The following GRIP1 variants were observed in gnomAD, a reference collection of about 807,000 sequenced individuals.
GRIP1 encodes glutamate receptor interacting protein 1, also known as glutamate receptor-interacting protein 1.
In GRIP1, 45 loss-of-function variants were observed where a neutral mutation model predicts 129.9. The observed-to-expected ratio is 0.35, with a 90% CI of 0.27 to 0.44. GRIP1 has a LOEUF of 0.44. GRIP1 is among the 20% of genes least tolerant of loss of function. The probability of loss-of-function intolerance (pLI) is 1.00; values close to 1 mark genes in which losing one functional copy is unlikely to be tolerated. For missense variants in GRIP1, 1,196 were observed against 1,396.8 expected, an observed-to-expected ratio of 0.86 and a Z score of 2.29; for synonymous variants, 530 against 520.8, an observed-to-expected ratio of 1.02 and a Z score of -0.24.
chr12:67,056,914 G>A (rs1333074195), intron 1 of GRIP1, among the ~76,000 whole-genome samples: 2 of 152,038 alleles, frequency 1.3e-5, no homozygotes, highest in African/African-American at 2.4e-5. Flanking sequence ...GGGTTCAAGC[G>A]ATTCTCCTGC....
At chr12:66,720,245 C>T (rs2136441574) in intron 1 of GRIP1, among the ~76,000 whole-genome samples, 1 of 152,248 alleles carries the variant, frequency 6.6e-6, no homozygotes, top group East Asian at 1.9e-4. Flanking sequence ...TGTGCAATAA[C>T]ATTATATCTA....
At chr12:66,960,798 G>T (rs944204404) in intron 1 of GRIP1, among the ~76,000 whole-genome samples, 1 of 152,072 alleles carries the variant, frequency 6.6e-6, no homozygotes, top group East Asian at 1.9e-4. Flanking sequence ...AGATTACCCA[G>T]ACCAAAATGT....
chr12:66,846,977 T>C (rs2039829975), intron 1 of GRIP1, among the ~76,000 whole-genome samples: 1 of 152,138 alleles, frequency 6.6e-6, no homozygotes, highest in Admixed American at 6.5e-5. Flanking sequence ...GTCTGGCATC[T>C]GGCCCTGGCA....
rs989778948 is a variant in GRIP1, at chr12:67,068,967, G to T, written c.58+83C>A. On this transcript the variant is annotated intron_variant, in intron 1 of 1. Coordinates refer to the GRIP1 transcript ENST00000643019. ...CCCCCGTCGGCGGGTGGACGGGTCG[G>T]GAGGGAGCCGGGGAGAGGGAGGCAC... is the stretch of plus-strand genomic sequence containing the variant. 5 of 613,474 alleles carry T rather than the reference G, an allele frequency of 8.2e-6. No individual in the cohort carries two copies. The Admixed American group carries it at 2.5e-4, about 31-fold the overall frequency. The allele number at this position is 613,474 out of a possible 1,614,324, so 38.0% of individuals were successfully genotyped here.
intron 14 of GRIP1, among the ~76,000 whole-genome samples, chr12:66,424,336 T>C (rs6581689): frequency 0.5 from 76,508 of 152,100 alleles, 21,467 homozygotes; most frequent in Non-Finnish European, 0.63. Context: ...AAAATATACA[T>C]GCATACAATT....
rs113285086 is a variant in GRIP1 at position 66,713,418 on chromosome 12, C to T, written c.-419-83082G>A. Reference sequence around the variant, plus strand: ...TTTAAAATTTAAGAATGACTGCACTCAGCTAGACTAAGCTCTGCCTGAGAG... The same window carrying T: ...TTTAAAATTTAAGAATGACTGCACTTAGCTAGACTAAGCTCTGCCTGAGAG... On this transcript the variant is annotated intron_variant, in intron 1 of 4. Transcript: ENST00000538373. Among the ~76,000 whole-genome samples the T allele has an allele frequency of 6.0e-3, 918 of 152,146 alleles. 10 individuals carry two copies. Among genetic ancestry groups the T allele is most frequent in the African/African-American group, 0.021 (866 of 41,544 alleles).
At chr12:66,917,734 T>A (rs2041147992) in intron 1 of GRIP1, among the ~76,000 whole-genome samples, 1 of 152,160 alleles carries the variant, frequency 6.6e-6, no homozygotes. Flanking sequence ...TTTAATTTCC[T>A]CTGTTTTCTC....
At chr12:66,973,155 T>C (rs893241404) in intron 1 of GRIP1, among the ~76,000 whole-genome samples, 1 of 152,190 alleles carries the variant, frequency 6.6e-6, no homozygotes, top group Non-Finnish European at 1.5e-5. Flanking sequence ...ATAAACACAG[T>C]AACATGTAAT....
chr12:66,487,572 T>A (rs1310734583), intron 7 of GRIP1, among the ~76,000 whole-genome samples: 1 of 152,060 alleles, frequency 6.6e-6, no homozygotes, highest in African/African-American at 2.4e-5. Context: ...AGCAACCACA[T>A]AAACAAGTCT....
chr12:66,983,153 A>G (rs2042263438), intron 1 of GRIP1, among the ~76,000 whole-genome samples: 1 of 152,198 alleles, frequency 6.6e-6, no homozygotes, highest in Admixed American at 6.6e-5. Context: ...CCACCGCAAC[A>G]CTGGACTGCC....
intron 1 of GRIP1, among the ~76,000 whole-genome samples, chr12:66,827,387 T>TGTGTGTGAGAGAGAGAGAGAGAGA (rs755458052): frequency 1.0e-4 from 11 of 108,224 alleles, no homozygotes; most frequent in African/African-American, 3.2e-4. Context: ...TGTGTGTGTG[T>TGTGTGTGAGAGAGAGAGAGAGAGA]GAGAGAGAGA....
intron 2 of GRIP1, among the ~76,000 whole-genome samples, chr12:66,594,903 A>T (rs1565895340): frequency 6.6e-6 from 1 of 152,248 alleles, no homozygotes; most frequent in Non-Finnish European, 1.5e-5. Context: ...TAAGTAAGAC[A>T]GTAAGGGATC....
At chr12:67,063,035 A>G (rs1251047088) in intron 1 of GRIP1, among the ~76,000 whole-genome samples, 1 of 152,218 alleles carries the variant, frequency 6.6e-6, no homozygotes, top group Non-Finnish European at 1.5e-5. Context: ...GCAAGGTACT[A>G]TCATACATTC....
chr12:66,814,493 C>T lies in GRIP1; in HGVS notation c.59-217566G>A, dbSNP rs560106799. On this transcript the variant is annotated intron_variant, in intron 1 of 1. Transcript: ENST00000643019. ...AACTGTCCTTTTTATTGTTACATTC[C>T]GATAGTCTAACATATATTTGTCCCT... is the stretch of plus-strand genomic sequence containing the variant. 8.3e-4 allele frequency among the ~76,000 whole-genome samples: 126 copies of T among 151,160 alleles called. 1 individual carries two copies. The highest frequency in any genetic ancestry group is 6.8e-3 in the Middle Eastern group (2 of 294).
chr12:66,809,323 G>A (rs2039058220), intron 1 of GRIP1, among the ~76,000 whole-genome samples: 1 of 152,144 alleles, frequency 6.6e-6, no homozygotes, highest in Admixed American at 6.5e-5. Context: ...TAATTAAATT[G>A]AGTAATGGTT....
intron 1 of GRIP1, among the ~76,000 whole-genome samples, chr12:67,054,090 G>A (rs1013957610): frequency 7.9e-5 from 12 of 152,122 alleles, no homozygotes; most frequent in African/African-American, 2.7e-4. Flanking sequence ...ATCCACAATG[G>A]GAAGACCAGG....
chr12:66,770,501 T>A (rs1002092719), intron 1 of GRIP1, among the ~76,000 whole-genome samples: 13 of 152,188 alleles, frequency 8.5e-5, no homozygotes, highest in African/African-American at 1.7e-4. Context: ...AGACTTTTTT[T>A]AATCTTTTCA....
intron 7 of GRIP1, among the ~76,000 whole-genome samples, chr12:66,498,259 C>A (rs533008071): frequency 2.0e-5 from 3 of 152,076 alleles, no homozygotes; most frequent in Non-Finnish European, 4.4e-5. Flanking sequence ...TGGAGTGGGA[C>A]AAATAAAAGA....
chr12:66,847,037 A>G (rs577241888), intron 1 of GRIP1, among the ~76,000 whole-genome samples: 8 of 152,246 alleles, frequency 5.3e-5, no homozygotes, highest in African/African-American at 1.9e-4. Context: ...CCAATAAGGG[A>G]GAAGGATGGA....
Sources: gnomAD v4.1 joint callset for allele counts (sites outside exome capture counted in the v4.1 genomes callset) on GRCh38, gnomAD v4.1.1 for gene constraint, MANE v1.5 for transcripts, NCBI Gene and HGNC (gene_info 2026-07-23, HGNC 2026-07-21) for gene names.